TBC1D5: variants seen among roughly 807,000 people sequenced by gnomAD.
The protein encoded by TBC1D5 is TBC1 domain family, member 5.
A neutral mutation model predicts 100.3 loss-of-function variants in TBC1D5; 75 were observed. The ratio of observed to expected loss-of-function variants is 0.75; its 90% CI spans 0.62 to 0.91. The LOEUF (loss-of-function observed/expected upper bound fraction) is 0.91, where lower values mean the gene tolerates loss of function less well. Ranked by LOEUF, TBC1D5 falls within the 40% of genes least tolerant of loss-of-function variation. The pLI is 0.00. For missense variants in TBC1D5, 910 were observed against 942.4 expected (o/e 0.97, Z 0.45); for synonymous variants, 323 against 325.6 (o/e 0.99, Z 0.09).
At chr3:17,705,025 G>A (rs1168633348) in intron 1 of TBC1D5, among the ~76,000 whole-genome samples, 5 of 136,090 alleles carry the variant, frequency 3.7e-5, no homozygotes, top group Non-Finnish European at 8.1e-5. Context: ...CTCCCTCCCG[G>A]ACGGGGCGGC....
chr3:17,665,014 C>CA (rs2067082864), intron 1 of TBC1D5: 1 of 126,244 alleles, frequency 7.9e-6, no homozygotes, highest in Non-Finnish European at 1.6e-5. Context: ...TGGTTTTTAC[C>CA]GGAAAGCCCC....
At chr3:17,476,176 T>A (rs1281051128) in intron 3 of TBC1D5, among the ~76,000 whole-genome samples, 2 of 151,892 alleles carry the variant, frequency 1.3e-5, no homozygotes, top group African/African-American at 4.8e-5. Flanking sequence ...CTTCTCATAA[T>A]AGTTTTTGAT....
intron 3 of TBC1D5, among the ~76,000 whole-genome samples, chr3:17,449,454 C>T (rs1175066097): frequency 6.6e-6 from 1 of 152,178 alleles, no homozygotes; most frequent in African/African-American, 2.4e-5. Flanking sequence ...GATCCCACCC[C>T]CACAAAGCCC....
intron 13 of TBC1D5, among the ~76,000 whole-genome samples, chr3:17,363,886 A>T (rs1280698927): frequency 6.6e-6 from 1 of 151,914 alleles, no homozygotes; most frequent in South Asian, 2.1e-4. Flanking sequence ...TCTTCATATT[A>T]TTTCTTTATG....
intron 2 of TBC1D5, among the ~76,000 whole-genome samples, chr3:17,616,249 G>C (rs903837859): frequency 1.5e-5 from 2 of 137,874 alleles, no homozygotes; most frequent in African/African-American, 7.0e-5. Context: ...TGTGGTCTGA[G>C]AGGCAGCTTG....
At chr3:17,475,605 T>C (rs1367248426) in intron 3 of TBC1D5, among the ~76,000 whole-genome samples, 6 of 152,120 alleles carry the variant, frequency 3.9e-5, no homozygotes, top group Non-Finnish European at 8.8e-5. Context: ...TGTTTAATTA[T>C]CTTCATTTCC....
rs539157297 is a variant in TBC1D5 at position 17,372,678 on chromosome 3, T to C, written c.823-431A>G. 2.6e-5 allele frequency among the ~76,000 whole-genome samples: 4 copies of C among 152,308 alleles called. No individual in the cohort carries two copies. In the South Asian group the frequency reaches 6.2e-4, roughly 24 times the overall value. On this transcript the variant is annotated intron_variant, in intron 12 of 21. Transcript: ENST00000253692. ...GTTATAAAATACAAAATGACCACTA[T>C]TAAGAAATGATCAGTGTTTAAATGT... is the stretch of plus-strand genomic sequence containing the variant.
chr3:17,344,764 A>T (rs906425267), intron 13 of TBC1D5, among the ~76,000 whole-genome samples: 2 of 152,286 alleles, frequency 1.3e-5, no homozygotes, highest in East Asian at 1.9e-4. Context: ...ATAACGCCAC[A>T]TATCTACAAC....
In TBC1D5 at chr3:17,519,473, A is replaced by T. The variant is rs78438356; in HGVS notation, c.-35-10868T>A. 6.7e-3 allele frequency among the ~76,000 whole-genome samples: 1,027 copies of T among 152,270 alleles called. 8 individuals carry two copies. The highest frequency in any genetic ancestry group is 0.023 in the African/African-American group (963 of 41,560). ...TACAGCTCAAAAGTCACTCTTCCCC[A>T]ACATGCCTTCTCCTAATTTGATTCA... On this transcript the variant is annotated intron_variant, in intron 2 of 21. Transcript: ENST00000253692.
chr3:17,227,287 G>A lies in TBC1D5; in HGVS notation c.1588+10876C>T, dbSNP rs1314343200. Among the ~76,000 whole-genome samples the A allele has an allele frequency of 2.0e-5, 3 of 152,094 alleles. No individual in the cohort carries two copies. The East Asian group carries it at 5.8e-4, about 29-fold the overall frequency. Reference sequence around the variant, plus strand: ...AGAACACAGTATTTTCAAAGGCATTGTACTAGGAACATCTAGCTTAATCAG... The same window carrying A: ...AGAACACAGTATTTTCAAAGGCATTATACTAGGAACATCTAGCTTAATCAG... On this transcript the variant is annotated intron_variant, in intron 17 of 21. Coordinates refer to ENST00000253692, the Ensembl canonical transcript of TBC1D5.
chr3:17,726,646 C>A (rs556149865), intron 1 of TBC1D5, among the ~76,000 whole-genome samples: 40 of 152,180 alleles, frequency 2.6e-4, no homozygotes, highest in African/African-American at 9.2e-4. Context: ...AGAAATATTT[C>A]CCCCCATTCT....
intron 1 of TBC1D5, among the ~76,000 whole-genome samples, chr3:17,625,787 G>A (rs1481705228): frequency 1.3e-5 from 2 of 151,702 alleles, no homozygotes; most frequent in Admixed American, 6.6e-5. Flanking sequence ...AAAAAATAAT[G>A]TATCTATGCA....
At chr3:17,630,565 T>C (rs1209095233) in intron 1 of TBC1D5, among the ~76,000 whole-genome samples, 1 of 152,210 alleles carries the variant, frequency 6.6e-6, no homozygotes, top group African/African-American at 2.4e-5. Context: ...TCAGCCATTC[T>C]GCCATCTCTC....
intron 4 of TBC1D5, among the ~76,000 whole-genome samples, chr3:17,422,294 G>T (rs1461712872): frequency 6.6e-6 from 1 of 151,802 alleles, no homozygotes; most frequent in Non-Finnish European, 1.5e-5. Flanking sequence ...TCAGACTTCC[G>T]AGTAGCTGGG....
chr3:17,241,115 G>C (rs543583298), intron 16 of TBC1D5, among the ~76,000 whole-genome samples: 19 of 152,118 alleles, frequency 1.2e-4, no homozygotes, highest in South Asian at 2.1e-4. Context: ...GTGTCTTCCG[G>C]ATATAAGCAA....
intron 18 of TBC1D5, among the ~76,000 whole-genome samples, chr3:17,198,744 G>A (rs1048152428): frequency 6.6e-6 from 1 of 152,174 alleles, no homozygotes; most frequent in Non-Finnish European, 1.5e-5. Context: ...GCAAGAAACT[G>A]CATCCTTGAA....
intron 13 of TBC1D5, among the ~76,000 whole-genome samples, chr3:17,331,581 T>C (rs902288496): frequency 2.6e-5 from 4 of 152,238 alleles, no homozygotes; most frequent in Non-Finnish European, 4.4e-5. Flanking sequence ...AATGTATCTA[T>C]GCCAGGTGCT....
chr3:17,188,637 G>A (rs2069466051), intron 18 of TBC1D5, among the ~76,000 whole-genome samples: 1 of 152,144 alleles, frequency 6.6e-6, no homozygotes, highest in African/African-American at 2.4e-5. Context: ...ATCACTTGGA[G>A]GCAAAAGGGT....
At chr3:17,163,860 T>G (rs1366720221) in intron 21 of TBC1D5, among the ~76,000 whole-genome samples, 1 of 152,206 alleles carries the variant, frequency 6.6e-6, no homozygotes, top group African/African-American at 2.4e-5. Flanking sequence ...TTTAAATAGA[T>G]AGATACGTGG....
Sources: allele counts gnomAD v4.1 joint callset (sites outside exome capture counted in the v4.1 genomes callset), GRCh38; gene constraint gnomAD v4.1.1; transcripts MANE v1.5; gene names NCBI Gene and HGNC (gene_info 2026-07-23, HGNC 2026-07-21).